IKZF3: variants seen among roughly 807,000 people sequenced by gnomAD.
IKZF3 encodes IKAROS family zinc finger 3, also known as zinc finger protein Aiolos.
In IKZF3, 10 loss-of-function variants were observed where a neutral mutation model predicts 49.0. The observed-to-expected ratio is 0.20, with a 90% CI of 0.13 to 0.35. The LOEUF (loss-of-function observed/expected upper bound fraction) is 0.35, where lower values mean the gene tolerates loss of function less well. Ranked by LOEUF, IKZF3 falls within the 10% of genes least tolerant of loss-of-function variation. The pLI, the probability that IKZF3 is intolerant of heterozygous loss-of-function variation, is 1.00. For missense variants in IKZF3, 498 were observed against 664.8 expected (o/e 0.75, Z 2.76); for synonymous variants, 209 against 228.2 (o/e 0.92, Z 0.76).
chr17:39,787,478 C>A (rs9911634), intron 6 of IKZF3, among the ~76,000 whole-genome samples: 14,721 of 152,112 alleles, frequency 0.097, 1,469 homozygotes, highest in African/African-American at 0.26. Flanking sequence ...GTTTTAATTG[C>A]CTCTTCCCTA....
At chr17:39,839,751 C>T (rs1288603390) in intron 1 of IKZF3, among the ~76,000 whole-genome samples, 1 of 152,024 alleles carries the variant, frequency 6.6e-6, no homozygotes, top group East Asian at 1.9e-4. Context: ...CTTGACCTCC[C>T]TGGGCTCAGG....
intron 3 of IKZF3, among the ~76,000 whole-genome samples, chr17:39,798,068 TTCTA>T (rs2061217050): frequency 6.6e-6 from 1 of 152,106 alleles, no homozygotes; most frequent in Non-Finnish European, 1.5e-5. Flanking sequence ...CATTCAGTGG[TTCTA>T]TCTGTGTATC....
intron 6 of IKZF3, among the ~76,000 whole-genome samples, chr17:39,780,419 AG>A (rs1411768607): frequency 6.6e-6 from 1 of 152,098 alleles, no homozygotes; most frequent in Non-Finnish European, 1.5e-5. Flanking sequence ...GGTGGAGTGC[AG>A]TGGCATGATC....
intron 6 of IKZF3, among the ~76,000 whole-genome samples, chr17:39,779,645 T>TG (rs1196080715): frequency 3.8e-5 from 4 of 103,912 alleles, no homozygotes; most frequent in East Asian, 3.3e-4. Context: ...TTATATTCTT[T>TG]GTTTTTTGTT....
intron 6 of IKZF3, among the ~76,000 whole-genome samples, chr17:39,783,250 G>A (rs540472600): frequency 4.4e-4 from 67 of 152,334 alleles, no homozygotes; most frequent in African/African-American, 1.4e-3. Flanking sequence ...AAAGACAGAG[G>A]CAGGTTCTAA....
chr17:39,777,872 C>T (rs2060630094), intron 6 of IKZF3, 105 bp from the exon 7 acceptor site: 11 of 1,517,608 alleles, frequency 7.2e-6, no homozygotes, highest in African/African-American at 1.4e-5. Flanking sequence ...GATGCACACT[C>T]TATTGTTGTT....
chr17:39,803,875 T>A (rs1317103859), intron 3 of IKZF3, among the ~76,000 whole-genome samples: 1 of 152,160 alleles, frequency 6.6e-6, no homozygotes, highest in East Asian at 1.9e-4. Context: ...CAATTCTTAG[T>A]AAAATTCAAA....
At chr17:39,836,366 C>T (rs567293931) in intron 1 of IKZF3, among the ~76,000 whole-genome samples, 12 of 152,154 alleles carry the variant, frequency 7.9e-5, no homozygotes, top group Non-Finnish European at 1.6e-4. Context: ...GCTGAAGGTC[C>T]GGGGCCAGAG....
rs1263519572 is a variant in IKZF3, at chr17:39,759,325, A to T, written c.*6465T>A. 1 of 152,096 alleles carries T rather than the reference A, an allele frequency of 6.6e-6. No individual in the cohort carries two copies. Among genetic ancestry groups the T allele is most frequent in the Non-Finnish European group, 1.5e-5 (1 of 68,022 alleles). The allele number at this position is 152,096 out of a possible 1,614,324, so 9.4% of individuals were successfully genotyped here. ...CAGCTAGTTGGGAGGCTAAGACGGGAGGATGGCTCGTTGCTTGAGCCCAGG... is the reference window on the plus strand; with the variant it reads ...CAGCTAGTTGGGAGGCTAAGACGGGTGGATGGCTCGTTGCTTGAGCCCAGG... On this transcript the variant is annotated 3_prime_UTR_variant, in exon 8 of 8. Transcript: ENST00000346872.
At chr17:39,787,846 C>T (rs2060910109) in intron 6 of IKZF3, among the ~76,000 whole-genome samples, 1 of 152,250 alleles carries the variant, frequency 6.6e-6, no homozygotes, top group African/African-American at 2.4e-5. Flanking sequence ...CAATGGCCTG[C>T]AAGGCCTGAG....
intron 4 of IKZF3, 54 bp from the exon 5 acceptor site, chr17:39,791,637 AT>A (rs1408563656): frequency 1.5e-5 from 23 of 1,561,902 alleles, no homozygotes; most frequent in Non-Finnish European, 1.8e-5. Context: ...GGAGAAACAT[AT>A]GCACAGATTA....
chr17:39,765,851 T>C lies in IKZF3; in HGVS notation c.1469A>G (p.His490Arg), dbSNP rs1337212746. The C allele has an allele frequency of 6.2e-7, 1 of 1,614,082 alleles. No homozygotes were observed. Among genetic ancestry groups the C allele is most frequent in the Non-Finnish European group, 8.5e-7 (1 of 1,179,978 alleles). ...FECNMCGYRS[H>R]DRYEFSSHIA... is the part of the protein sequence containing the mutation. ...GTGAGACGAGAACTCATACCGATCATGGCTTCGATATCCACACATGTTACA... is the reference window on the plus strand; with the variant it reads ...GTGAGACGAGAACTCATACCGATCACGGCTTCGATATCCACACATGTTACA... Residue 490 changes from histidine to arginine, a missense_variant, in exon 8 of 8, where the codon CAT becomes CGT. Coordinates refer to ENST00000346872, the MANE Select transcript of IKZF3 (RefSeq NM_012481.5).
chr17:39,787,679 A>C (rs2060905914), intron 6 of IKZF3, among the ~76,000 whole-genome samples: 1 of 152,228 alleles, frequency 6.6e-6, no homozygotes, highest in Non-Finnish European at 1.5e-5. Context: ...ATGGCCTCCT[A>C]ACTGGACCCC....
intron 3 of IKZF3, among the ~76,000 whole-genome samples, chr17:39,817,285 T>A (rs1181014136): frequency 6.6e-6 from 1 of 152,242 alleles, no homozygotes; most frequent in Non-Finnish European, 1.5e-5. Flanking sequence ...CAGACAAGTC[T>A]TTGGTTCCTA....
Position 39,829,561 on chromosome 17 carries a change from C to A in IKZF3, c.62-73G>T, listed in dbSNP as rs959354222. ...TTTTATAAATATATATTAAGTAGAC[C>A]CCCATTTAACTTTCAGCTTCACACA... is the stretch of plus-strand genomic sequence containing the variant. On this transcript the variant is annotated intron_variant, in intron 2 of 7. Transcript: ENST00000346872. The A allele has an allele frequency of 2.1e-5, 21 of 1,006,456 alleles. No homozygotes were observed. The African/African-American group carries it at 3.0e-4, about 15-fold the overall frequency. 62.3% of individuals were successfully genotyped at this position (1,006,456 alleles called of 1,614,324 possible). A position where few individuals can be genotyped will look rare whatever the true frequency, so the allele number is the denominator to read the frequency against.
chr17:39,844,669 C>T (rs1017176075), intron 1 of IKZF3, among the ~76,000 whole-genome samples: 1 of 151,946 alleles, frequency 6.6e-6, no homozygotes, highest in South Asian at 2.1e-4. Flanking sequence ...GTTGCCCAGG[C>T]TGGAGTGCAA....
At chr17:39,791,144 A>G (rs1473868867) in intron 5 of IKZF3, among the ~76,000 whole-genome samples, 1 of 152,186 alleles carries the variant, frequency 6.6e-6, no homozygotes, top group African/African-American at 2.4e-5. Flanking sequence ...AAAAATTAAA[A>G]GGACATTTTT....
At chr17:39,789,561 TCAAA>T (rs908435064) in intron 5 of IKZF3, among the ~76,000 whole-genome samples, 2 of 149,212 alleles carry the variant, frequency 1.3e-5, no homozygotes, top group Non-Finnish European at 3.0e-5. Context: ...AGACTCCATC[TCAAA>T]CAAACAAACA....
Position 39,791,396 on chromosome 17 carries a change from T to C in IKZF3, c.592+20A>G. 1 of 1,612,526 alleles carries C rather than the reference T, an allele frequency of 6.2e-7. No homozygotes were observed. Among genetic ancestry groups the C allele is most frequent in the Non-Finnish European group, 8.5e-7 (1 of 1,178,768 alleles). Reference sequence around the variant, plus strand: ...AGGAATGCACTTCCTAGACAAGGAATGCTCATTTCTCTCACTTACCAGAAT... The same window carrying C: ...AGGAATGCACTTCCTAGACAAGGAACGCTCATTTCTCTCACTTACCAGAAT... On this transcript the variant is annotated intron_variant, in intron 5 of 7. Coordinates refer to ENST00000346872, the MANE Select transcript of IKZF3 (RefSeq NM_012481.5).
Sources: gnomAD v4.1 joint callset for allele counts (sites outside exome capture counted in the v4.1 genomes callset) on GRCh38, gnomAD v4.1.1 for gene constraint, MANE v1.5 for transcripts, NCBI Gene and HGNC (gene_info 2026-07-23, HGNC 2026-07-21) for gene names.